DNAH2: variants seen among roughly 807,000 people sequenced by gnomAD.
DNAH2 encodes axonemal beta dynein heavy chain 2.
DNAH2 carries 323 observed loss-of-function variants against 523.5 expected under a neutral mutation model. That is an observed-to-expected ratio of 0.62 (90% CI 0.56 to 0.68). DNAH2 has a LOEUF of 0.68. Among genes scored for constraint, DNAH2 ranks in the 30% least tolerant of loss-of-function variants. DNAH2 has a pLI of 0.00. For synonymous variants in DNAH2, 2,093 were observed against 2,177.4 expected (o/e 0.96, Z 1.08); for missense variants, 4,907 against 5,701.5 (o/e 0.86, Z 4.49).
intron 79 of DNAH2, 119 bp from the exon 80 acceptor site, chr17:7,830,967 T>C: frequency 6.6e-7 from 1 of 1,511,782 alleles, no homozygotes; most frequent in South Asian, 1.2e-5. Flanking sequence ...TTTGTGGGAT[T>C]GAGATGGGGA....
intron 12 of DNAH2, among the ~76,000 whole-genome samples, chr17:7,753,584 G>C (rs1228333132): frequency 1.3e-5 from 2 of 152,210 alleles, no homozygotes; most frequent in African/African-American, 4.8e-5. Flanking sequence ...GGGCAGAAAA[G>C]AGGACCGTGG....
chr17:7,776,020 C>A lies in DNAH2; in HGVS notation c.4822-4C>A. On this transcript the variant is annotated splice_polypyrimidine_tract_variant and splice_region_variant and intron_variant, in intron 30 of 85. Coordinates refer to ENST00000572933, the MANE Select transcript of DNAH2 (RefSeq NM_020877.5). ...AGCTGCCCTATTCTCCCACCTCCCCCCAGTCCTGGCTTGGCGATGTGGAAC... is the reference window on the plus strand; with the variant it reads ...AGCTGCCCTATTCTCCCACCTCCCCACAGTCCTGGCTTGGCGATGTGGAAC... The A allele has an allele frequency of 6.2e-7, 1 of 1,613,736 alleles. No homozygotes were observed. The highest frequency in any genetic ancestry group is 8.5e-7 in the Non-Finnish European group (1 of 1,179,718).
chr17:7,795,491 G>A (rs1352923215), intron 49 of DNAH2, among the ~76,000 whole-genome samples: 5 of 151,724 alleles, frequency 3.3e-5, no homozygotes, highest in African/African-American at 9.7e-5. Flanking sequence ...TGAGCAACAC[G>A]GGGAAACCCT....
At chr17:7,736,126 C>T (rs754572490) in intron 7 of DNAH2, among the ~76,000 whole-genome samples, 53 of 152,122 alleles carry the variant, frequency 3.5e-4, no homozygotes, top group Admixed American at 3.3e-3. Flanking sequence ...TGGTGATCCT[C>T]GGCCTCCCAA....
In DNAH2 at chr17:7,778,068, T is replaced by G; in HGVS notation, c.5248-9T>G. The G allele has an allele frequency of 2.5e-6, 4 of 1,611,090 alleles. No homozygotes were observed. Among genetic ancestry groups the G allele is most frequent in the Non-Finnish European group, 3.4e-6 (4 of 1,177,154 alleles). On this transcript the variant is annotated splice_polypyrimidine_tract_variant and intron_variant, in intron 33 of 85. Transcript: ENST00000572933. ...CCACCTCTCTCTTTTTCTGCGCTGTTTTCCCCAGGATCTTGATGACTGTGT... is the reference window on the plus strand; with the variant it reads ...CCACCTCTCTCTTTTTCTGCGCTGTGTTCCCCAGGATCTTGATGACTGTGT...
In DNAH2 at chr17:7,760,307, G is replaced by A. The variant is rs1473093380; in HGVS notation, c.2785+369G>A. Among the ~76,000 whole-genome samples the A allele has an allele frequency of 6.6e-6, 1 of 151,974 alleles. No homozygotes were observed. Among genetic ancestry groups the A allele is most frequent in the Non-Finnish European group, 1.5e-5 (1 of 67,990 alleles). On this transcript the variant is annotated intron_variant, in intron 17 of 85. Transcript: ENST00000572933. This position sits in a 1 kb window ranked among gnomAD's most constrained non-coding sequence, Gnocchi z 4.0. Reference sequence around the variant, plus strand: ...ACCCCGGAGGCGGAGGTTGCAGTGAGCGGAGATCATGCCACTGCATTCCAG... The same window carrying A: ...ACCCCGGAGGCGGAGGTTGCAGTGAACGGAGATCATGCCACTGCATTCCAG...
chr17:7,760,067 T>G lies in DNAH2; in HGVS notation c.2785+129T>G. The G allele has an allele frequency of 7.0e-7, 1 of 1,420,138 alleles. No homozygotes were observed. Among genetic ancestry groups the G allele is most frequent in the South Asian group, 1.3e-5 (1 of 78,280 alleles). 88.0% of individuals were successfully genotyped at this position (1,420,138 alleles called of 1,614,324 possible). On this transcript the variant is annotated intron_variant, in intron 17 of 85. Transcript: ENST00000572933. The surrounding 1 kb of genome is among the most constrained non-coding windows in gnomAD (Gnocchi z 4.0). ...GTCACCTCCCTGACCTGGGGAAAACTCAGGTCAAGGGGCCAGATCGGCTGG... is the reference window on the plus strand; with the variant it reads ...GTCACCTCCCTGACCTGGGGAAAACGCAGGTCAAGGGGCCAGATCGGCTGG...
At chr17:7,827,635 G>T (rs988456510) in intron 77 of DNAH2, among the ~76,000 whole-genome samples, 7 of 151,874 alleles carry the variant, frequency 4.6e-5, no homozygotes, top group African/African-American at 1.2e-4. Context: ...TTGTAGAGAC[G>T]GGGTTTCACC....
chr17:7,794,347 A>T lies in DNAH2; in HGVS notation c.7663A>T (p.Thr2555Ser). 6.2e-7 allele frequency: 1 copy of T among 1,608,944 alleles called. No individual in the cohort carries two copies. The highest frequency in any genetic ancestry group is 8.5e-7 in the Non-Finnish European group (1 of 1,177,774). Reference sequence around the variant, plus strand: ...GAGTCGCTTCAACATTATCAACATGACCTTCCCCACAGTGAGGACCTCATG... The same window carrying T: ...GAGTCGCTTCAACATTATCAACATGTCCTTCCCCACAGTGAGGACCTCATG... ...LRSRFNIINMTFPTKSQIIRI... is the reference protein window; with the variant it reads ...LRSRFNIINMSFPTKSQIIRI... The change falls in exon 49 of 86, where the codon ACC (threonine) becomes TCC (serine). Residue 2555 changes from threonine (T) to serine (S), a missense_variant. Physicochemically the swap from Thr to Ser is moderately conservative, Grantham distance 58 (BLOSUM62 1). Transcript: ENST00000572933.
chr17:7,790,173 AG>A (rs1206729897), intron 44 of DNAH2, among the ~76,000 whole-genome samples: 6 of 152,238 alleles, frequency 3.9e-5, no homozygotes, highest in African/African-American at 1.2e-4. Flanking sequence ...CCCTCTGGGC[AG>A]GGGGTTGAGA....
At chr17:7,805,858 GA>G (rs139367701) in intron 61 of DNAH2, among the ~76,000 whole-genome samples, 31,788 of 150,336 alleles carry the variant, frequency 0.21, 4,326 homozygotes, top group Non-Finnish European at 0.31. Context: ...TGTCTCCAAA[GA>G]AAAAAAAAGA....
Position 7,764,199 on chromosome 17 carries a change from G to T in DNAH2, c.3262G>T (p.Val1088Leu), listed in dbSNP as rs769705508. The T allele has an allele frequency of 2.5e-6, 4 of 1,614,166 alleles. No homozygotes were observed. Residue 1088 changes from valine to leucine, a missense_variant, in exon 20 of 86, where the codon GTG (valine) becomes TTG (leucine). This residue lies in a region of DNAH2 where 2,806 missense variants were observed against 3,190.8 expected (regional missense o/e 0.88). Transcript: ENST00000572933. ...VDALKHDLAN[V>L]ETQIPPIHEQ... ...TGCCCTGAAGCACGACTTGGCCAAC[G>T]TGGAGACTCAGATCCCTCCCATACA...
rs771398790 is a variant in DNAH2, at chr17:7,719,901, G to T, written c.166+1G>T. 1 of 1,530,038 alleles carries T rather than the reference G, an allele frequency of 6.5e-7. No individual in the cohort carries two copies. Among genetic ancestry groups the T allele is most frequent in the South Asian group, 1.3e-5 (1 of 77,352 alleles). The allele number at this position is 1,530,038 out of a possible 1,614,324, so 94.8% of individuals were successfully genotyped here. On this transcript the variant is annotated splice_donor_variant, in intron 2 of 85. Transcript: ENST00000572933. LOFTEE classifies it high-confidence loss of function. The stretch of plus-strand genomic sequence containing the variant: ...GCTGAGCTCCCCAAGGAGGAGCCTG[G>T]TGGGTACTTGCTGGGGCAGAGGATG...
In DNAH2 at chr17:7,832,887, G is replaced by C; in HGVS notation, c.12937G>C (p.Val4313Leu). ...SVDSLSWEFI[V>L]STVDDSNLVY... ...GGACAGCCTCTCCTGGGAGTTTATCGTTTCCACTGTGGATGACAGCAACCT... is the reference window on the plus strand; with the variant it reads ...GGACAGCCTCTCCTGGGAGTTTATCCTTTCCACTGTGGATGACAGCAACCT... The change falls in exon 84 of 86, where the codon GTT (valine) becomes CTT (leucine). Residue 4313 changes from valine to leucine, a missense_variant. This residue lies in a region of DNAH2 where 1,851 missense variants were observed against 2,139.4 expected (regional missense o/e 0.87). Coordinates refer to ENST00000572933, the MANE Select transcript of DNAH2 (RefSeq NM_020877.5). The surrounding 1 kb of genome is among the most constrained non-coding windows in gnomAD (Gnocchi z 4.3). 3 of 1,614,226 alleles carry C rather than the reference G, an allele frequency of 1.9e-6. No individual in the cohort carries two copies. The highest frequency in any genetic ancestry group is 2.2e-5 in the East Asian group (1 of 44,894).
intron 4 of DNAH2, among the ~76,000 whole-genome samples, chr17:7,727,732 G>C (rs983455255): frequency 2.4e-4 from 34 of 143,142 alleles, no homozygotes; most frequent in African/African-American, 8.8e-4. Context: ...CTCCAGCCTG[G>C]TGACAGAGAA....
At chr17:7,773,040 C>T (rs531586473) in intron 28 of DNAH2, among the ~76,000 whole-genome samples, 1 of 152,270 alleles carries the variant, frequency 6.6e-6, no homozygotes, top group Admixed American at 6.5e-5. Context: ...TCCCAAAGTG[C>T]TGGGATTATA....
At chr17:7,767,249 GT>G (rs1286146657) in intron 22 of DNAH2, among the ~76,000 whole-genome samples, 3 of 152,100 alleles carry the variant, frequency 2.0e-5, no homozygotes, top group African/African-American at 7.2e-5. Context: ...TTCATCCATG[GT>G]GTGGCATGGA....
intron 2 of DNAH2, 84 bp from the exon 3 acceptor site, chr17:7,723,544 C>A (rs2074699996): frequency 1.8e-6 from 2 of 1,134,828 alleles, no homozygotes; most frequent in Non-Finnish European, 1.3e-6. Flanking sequence ...AGTGCTAGGA[C>A]TACAGGTGTG....
chr17:7,826,325 A>T lies in DNAH2; in HGVS notation c.11853+1598A>T, dbSNP rs555723754. Among the ~76,000 whole-genome samples the T allele has an allele frequency of 2.6e-5, 4 of 152,248 alleles. No homozygotes were observed. In the South Asian group the frequency reaches 8.3e-4, roughly 32 times the overall value. ...ATTACAGGTGTGAGCCACCGTGCCC[A>T]GCCTGAGTTTTACTTCAAATAAGAA... On this transcript the variant is annotated intron_variant, in intron 77 of 85. Transcript: ENST00000572933.
Sources: gnomAD v4.1 joint callset for allele counts (sites outside exome capture counted in the v4.1 genomes callset) on GRCh38, gnomAD v4.1.1 for gene constraint, gnomAD v4.1.1 regional missense constraint, Gnocchi (gnomAD v3.1) non-coding constraint, MANE v1.5 for transcripts, NCBI Gene and HGNC (gene_info 2026-07-23, HGNC 2026-07-21) for gene names.